Variants in TDRD12 observed in about 807,000 individuals in gnomAD.
The protein encoded by TDRD12 is putative ATP-dependent RNA helicase TDRD12.
A neutral mutation model predicts 133.5 loss-of-function variants in TDRD12; 158 were observed. That is an observed-to-expected ratio of 1.18 (90% CI 1.04 to 1.35). TDRD12 has a LOEUF of 1.35. TDRD12 is among the 40% of genes most tolerant of loss of function. The pLI, the probability that TDRD12 is intolerant of heterozygous loss-of-function variation, is 0.00. For missense variants in TDRD12, 1,443 were observed against 1,321.3 expected, an observed-to-expected ratio of 1.09 and a Z score of -1.43; for synonymous variants, 460 against 477.9, an observed-to-expected ratio of 0.96 and a Z score of 0.49.
chr19:32,800,486 T>C, intron 17 of TDRD12, 128 bp downstream of exon 17: 5 of 967,368 alleles, frequency 5.2e-6, no homozygotes, highest in Non-Finnish European at 7.3e-6. Context: ...TTTGATTTCA[T>C]ATATAAATTA....
chr19:32,804,455 AG>A (rs1971485859), intron 21 of TDRD12, among the ~76,000 whole-genome samples: 1 of 149,642 alleles, frequency 6.7e-6, no homozygotes, highest in Non-Finnish European at 1.5e-5. Flanking sequence ...GCACTTCGGG[AG>A]GCCGAGGCAG....
intron 25 of TDRD12, among the ~76,000 whole-genome samples, chr19:32,814,380 A>C (rs1431941079): frequency 6.6e-6 from 1 of 152,106 alleles, no homozygotes; most frequent in Non-Finnish European, 1.5e-5. Flanking sequence ...CTTACTATGA[A>C]TACTTACCAG....
At chr19:32,810,647 C>G (rs990437762) in intron 23 of TDRD12, among the ~76,000 whole-genome samples, 5 of 152,228 alleles carry the variant, frequency 3.3e-5, no homozygotes, top group African/African-American at 1.2e-4. Flanking sequence ...TTGTTCCAAC[C>G]TGGTCAGTCT....
chr19:32,745,157 C>T (rs1405538889), intron 4 of TDRD12, among the ~76,000 whole-genome samples: 1 of 152,212 alleles, frequency 6.6e-6, no homozygotes, highest in East Asian at 1.9e-4. Flanking sequence ...TCTTTCAGAG[C>T]GGCCCACTGC....
chr19:32,747,866 A>T (rs1969700158), intron 4 of TDRD12, among the ~76,000 whole-genome samples: 1 of 152,008 alleles, frequency 6.6e-6, no homozygotes, highest in Admixed American at 6.6e-5. Flanking sequence ...ATTTTTTTTA[A>T]TCGCTGAGTG....
At chr19:32,726,374 C>G (rs901876213) in intron 1 of TDRD12, among the ~76,000 whole-genome samples, 18 of 152,304 alleles carry the variant, frequency 1.2e-4, no homozygotes, top group African/African-American at 3.8e-4. Context: ...CCACCACACC[C>G]AGTCAAATAC....
intron 10 of TDRD12, among the ~76,000 whole-genome samples, chr19:32,774,494 A>C (rs1273044797): frequency 6.6e-6 from 1 of 150,396 alleles, no homozygotes; most frequent in Non-Finnish European, 1.5e-5. Context: ...TTTTAGGTTC[A>C]TTTTGAAAAG....
chr19:32,783,099 C>A (rs1191722106), intron 11 of TDRD12, among the ~76,000 whole-genome samples: 2 of 152,062 alleles, frequency 1.3e-5, no homozygotes, highest in Admixed American at 6.6e-5. Flanking sequence ...GGTCCTAGGT[C>A]TTGTGTTTAA....
At chr19:32,778,244 C>T (rs759063797) in intron 11 of TDRD12, among the ~76,000 whole-genome samples, 5 of 151,874 alleles carry the variant, frequency 3.3e-5, no homozygotes, top group Non-Finnish European at 7.4e-5. Flanking sequence ...GCTTCTTACC[C>T]CACAGGACAC....
chr19:32,815,699 G>T, intron 26 of TDRD12, 79 bp downstream of exon 26: 1 of 1,375,764 alleles, frequency 7.3e-7, no homozygotes, highest in South Asian at 1.4e-5. Context: ...CATGTTTTAT[G>T]AAAGTAGAAG....
At chr19:32,816,779 G>C (rs1208145392) in intron 26 of TDRD12, among the ~76,000 whole-genome samples, 1 of 152,190 alleles carries the variant, frequency 6.6e-6, no homozygotes, top group African/African-American at 2.4e-5. Context: ...CAGCTCCAGA[G>C]GGGGAAGGAT....
At chr19:32,798,188 C>T (rs1054949644) in intron 15 of TDRD12, 120 bp from the exon 16 acceptor site, 4 of 966,332 alleles carry the variant, frequency 4.1e-6, no homozygotes, top group African/African-American at 3.3e-5. Flanking sequence ...TTGACTAGGA[C>T]AGAAACAGTG....
chr19:32,734,439 C>T (rs1172712214), intron 2 of TDRD12, among the ~76,000 whole-genome samples: 2 of 151,080 alleles, frequency 1.3e-5, no homozygotes, highest in African/African-American at 2.4e-5. Flanking sequence ...GACTCTATCT[C>T]GGCTCACTGC....
intron 24 of TDRD12, 63 bp from the exon 25 acceptor site, chr19:32,813,621 C>A: frequency 1.1e-6 from 1 of 938,250 alleles, no homozygotes; most frequent in Non-Finnish European, 1.6e-6. Context: ...AACTGTATGG[C>A]ATATACAAAA....
chr19:32,796,978 C>G (rs938968047), intron 14 of TDRD12, among the ~76,000 whole-genome samples: 1 of 144,936 alleles, frequency 6.9e-6, no homozygotes, highest in Non-Finnish European at 1.5e-5. Flanking sequence ...AAGAGAGGTT[C>G]GTCTTTTTTT....
chr19:32,768,480 C>G (rs530976888), intron 8 of TDRD12, among the ~76,000 whole-genome samples: 1 of 151,724 alleles, frequency 6.6e-6, no homozygotes, highest in Non-Finnish European at 1.5e-5. Context: ...GCCTCAAACA[C>G]CTCAGCCTCC....
exon 1 of TDRD12, chr19:32,720,063 C>A (rs959612194): frequency 3.9e-6 from 6 of 1,548,314 alleles, no homozygotes; most frequent in Middle Eastern, 1.7e-4. Flanking sequence ...TGCCCTCGGG[C>A]GCCAGGAGGA....
intron 15 of TDRD12, 69 bp downstream of exon 15, chr19:32,797,960 G>C: frequency 1.6e-6 from 1 of 612,416 alleles, no homozygotes; most frequent in East Asian, 2.7e-5. Context: ...ACAGAAGACA[G>C]TGGAGCCTGG....
chr19:32,811,344 C>T (rs1269106524), exon 24 of TDRD12: 11 of 1,536,028 alleles, frequency 7.2e-6, no homozygotes, highest in African/African-American at 4.1e-5. Flanking sequence ...CATTTCCACA[C>T]ACTTCCCCCG....
Sources: allele counts gnomAD v4.1 joint callset (sites outside exome capture counted in the v4.1 genomes callset), GRCh38; gene constraint gnomAD v4.1.1; transcripts MANE v1.5; gene names NCBI Gene and HGNC (gene_info 2026-07-23, HGNC 2026-07-21).